The following DEGS2 variants were observed in gnomAD, a reference collection of about 807,000 sequenced individuals.
The protein encoded by DEGS2 is sphingolipid delta(4)-desaturase/C4-monooxygenase DES2.
A neutral mutation model predicts 23.8 loss-of-function variants in DEGS2; 19 were observed. The ratio of observed to expected loss-of-function variants is 0.80; its 90% CI spans 0.56 to 1.17. The LOEUF (loss-of-function observed/expected upper bound fraction) is 1.17, where lower values mean the gene tolerates loss of function less well. Among genes scored for constraint, DEGS2 ranks in the 50% most tolerant of loss-of-function variants. DEGS2 has a pLI of 0.00. For synonymous variants in DEGS2, 218 were observed against 213.7 expected (o/e 1.02, Z -0.18); for missense variants, 390 against 459.5 (o/e 0.85, Z 1.38).
In DEGS2 at chr14:100,144,487, C is replaced by T. The variant is rs1209631611; in HGVS notation, c.*2274G>A. The T allele has an allele frequency of 6.6e-6, 1 of 152,370 alleles. No homozygotes were observed. Among genetic ancestry groups the T allele is most frequent in the Admixed American group, 6.5e-5 (1 of 15,292 alleles). The allele number at this position is 152,370 out of a possible 1,614,324, so 9.4% of individuals were successfully genotyped here. On this transcript the variant is annotated 3_prime_UTR_variant, in exon 3 of 3. Transcript: ENST00000305631. ...AAGATGGTCCCTCAAGTGCAACCCACACCCCCGAACCTCAGAGGACTCCAC... is the reference window on the plus strand; with the variant it reads ...AAGATGGTCCCTCAAGTGCAACCCATACCCCCGAACCTCAGAGGACTCCAC...
rs746559191 is a variant in DEGS2 at position 100,149,223 on chromosome 14, C to T, written c.570G>A (p.Thr190=). 16 of 1,612,484 alleles carry T rather than the reference C, an allele frequency of 9.9e-6. No homozygotes were observed. Among genetic ancestry groups the T allele is most frequent in the East Asian group, 4.5e-5 (2 of 44,876 alleles). ...CCAGGTCGGCCGCCAGCTGCACCAGCGTGTTGAGCACCTCCATGCGGGTCA... is the reference window on the plus strand; with the variant it reads ...CCAGGTCGGCCGCCAGCTGCACCAGTGTGTTGAGCACCTCCATGCGGGTCA... ...KAVTRMEVLN[T]LVQLAADLAI... The change falls in exon 2 of 3, where the codon ACG becomes ACA. Residue 190 remains threonine, a synonymous_variant. Transcript: ENST00000305631.
At position 100,145,679 on chromosome 14, in the gene DEGS2, GCCT is replaced by G. The variant is rs10581879; in HGVS notation, c.*1079_*1081del. 33,655 of 152,080 alleles carry G rather than the reference GCCT, an allele frequency of 0.22. 4,448 individuals are homozygous for G. The highest frequency in any genetic ancestry group is 0.37 in the African/African-American group (15,507 of 41,408). The allele number at this position is 152,080 out of a possible 1,614,324, so 9.4% of individuals were successfully genotyped here. On this transcript the variant is annotated 3_prime_UTR_variant, in exon 3 of 3. Coordinates refer to ENST00000305631, the MANE Select transcript of DEGS2 (RefSeq NM_206918.3). ...GCTCCATCCCTCTCTGGCAGGGAGG[GCCT>G]CCTCGCTCAGGCACCCCTCCTGCTG...
chr14:100,149,272 G>C lies in DEGS2; in HGVS notation c.521C>G (p.Pro174Arg). The C allele has an allele frequency of 6.2e-7, 1 of 1,612,864 alleles. No homozygotes were observed. Among genetic ancestry groups the C allele is most frequent in the Non-Finnish European group, 8.5e-7 (1 of 1,179,908 alleles). ...CACGGCCTTGGGGTGGACGCAGAGCGGCCGTAGTGAGTAGAAGAAGGGCTG... is the reference window on the plus strand; with the variant it reads ...CACGGCCTTGGGGTGGACGCAGAGCCGCCGTAGTGAGTAGAAGAAGGGCTG... ...VLQPFFYSLR[P>R]LCVHPKAVTR... Residue 174 changes from proline (P) to arginine (R), a missense_variant, in exon 2 of 3, where the codon CCG becomes CGG. Transcript: ENST00000305631.
intron 2 of DEGS2, among the ~76,000 whole-genome samples, 184 bp from the exon 3 acceptor site, chr14:100,147,091 T>C (rs1889462477): frequency 6.6e-6 from 1 of 152,198 alleles, no homozygotes; most frequent in Non-Finnish European, 1.5e-5. Flanking sequence ...CCGTCGCCTC[T>C]GGGGTGCCCA....
At chr14:100,155,211 G>A (rs1889639272) in intron 1 of DEGS2, among the ~76,000 whole-genome samples, 1 of 152,156 alleles carries the variant, frequency 6.6e-6, no homozygotes, top group African/African-American at 2.4e-5. Flanking sequence ...CCACCTGGTG[G>A]CCACAGCAGG....
In DEGS2 at chr14:100,149,195, T is replaced by C. The variant is rs756261863; in HGVS notation, c.598A>G (p.Ile200Val). 1.1e-5 allele frequency: 18 copies of C among 1,612,564 alleles called. No homozygotes were observed. The highest frequency in any genetic ancestry group is 1.5e-5 in the Non-Finnish European group (18 of 1,179,746). Residue 200 changes from isoleucine to valine, a missense_variant, in exon 2 of 3, where the codon ATC becomes GTC. Physicochemically the swap from Ile to Val is conservative, Grantham distance 29. Transcript: ENST00000305631. ...GGCTTGAGCCCCCAAAGGGCAAAGA[T>C]GGCCAGGTCGGCCGCCAGCTGCACC... ...TLVQLAADLAIFALWGLKPVV... is the reference protein window; with the variant it reads ...TLVQLAADLAVFALWGLKPVV...
rs1271860170 is a variant in DEGS2 at position 100,156,297 on chromosome 14, T to G, written c.82+3209A>C. ...CACTCCTGCCTCTTCTATAAAGAGA[T>G]GCTGGCAGTTACACAGAGCATTTCT... On this transcript the variant is annotated intron_variant, in intron 1 of 2. Transcript: ENST00000305631. Among the ~76,000 whole-genome samples, 3 of 152,224 alleles carry G rather than the reference T, an allele frequency of 2.0e-5. No individual in the cohort carries two copies. In the East Asian group the frequency reaches 5.8e-4, roughly 29 times the overall value.
chr14:100,166,388 T>TGCCCGGGGCTGTGGGGGAGC, the DEGS2 span, among the ~76,000 whole-genome samples: 1 of 134,430 alleles, frequency 7.4e-6, no homozygotes, highest in Non-Finnish European at 1.6e-5. Context: ...GGGAGGCTGC[T>TGCCCGGGGCTGTGGGGGAGC]CTTCACTCTC....
chr14:100,149,114 C>T lies in DEGS2; in HGVS notation c.679G>A (p.Gly227Ser), dbSNP rs912081615. ...ATGTAGTGCTCGGCCACGAAGTGGC[C>T]CGAGATGGGGTGCAGGCCCAGGCCC... ...FLGLGLHPIS[G>S]HFVAEHYMFL... The change falls in exon 2 of 3, where the codon GGC becomes AGC. Residue 227 changes from glycine (G) to serine (S), a missense_variant. Gly to Ser is a moderately conservative substitution (Grantham distance 56, BLOSUM62 0). Transcript: ENST00000305631. 2 of 1,612,846 alleles carry T rather than the reference C, an allele frequency of 1.2e-6. No individual in the cohort carries two copies. Among genetic ancestry groups the T allele is most frequent in the Non-Finnish European group, 8.5e-7 (1 of 1,180,002 alleles).
chr14:100,164,006 C>G (rs940024571), upstream of DEGS2, among the ~76,000 whole-genome samples: 6 of 152,092 alleles, frequency 3.9e-5, no homozygotes, highest in African/African-American at 1.2e-4. Flanking sequence ...ACTTAAGCCC[C>G]GGAGTTTGAG....
chr14:100,146,954 G>C (rs200422833), intron 2 of DEGS2, 47 bp from the exon 3 acceptor site: 3 of 1,579,560 alleles, frequency 1.9e-6, no homozygotes, highest in East Asian at 4.5e-5. Context: ...CCTCGGGGCC[G>C]CACCCGCGAG....
At chr14:100,154,355 CAAAAAA>C (rs5810980) in intron 1 of DEGS2, among the ~76,000 whole-genome samples, 6 of 138,204 alleles carry the variant, frequency 4.3e-5, no homozygotes, top group Non-Finnish European at 9.4e-5. Flanking sequence ...CAAAGCGTCT[CAAAAAA>C]AAAAAAAAAA....
In DEGS2 at chr14:100,146,310, C is replaced by T. The variant is rs1412743448; in HGVS notation, c.*451G>A. 6 of 171,482 alleles carry T rather than the reference C, an allele frequency of 3.5e-5. No individual in the cohort carries two copies. Among genetic ancestry groups the T allele is most frequent in the African/African-American group, 9.6e-5 (4 of 41,646 alleles). 10.6% of individuals were successfully genotyped at this position (171,482 alleles called of 1,614,324 possible). The stretch of plus-strand genomic sequence containing the variant: ...TGGCAGGACCTGGGCCTGGCCTGGA[C>T]GAAGCGGCACTCAGGCCTCAAGCTC... On this transcript the variant is annotated 3_prime_UTR_variant, in exon 3 of 3. Coordinates refer to ENST00000305631, the MANE Select transcript of DEGS2 (RefSeq NM_206918.3).
upstream of DEGS2, among the ~76,000 whole-genome samples, chr14:100,162,463 G>A (rs1191106635): frequency 6.6e-6 from 1 of 152,190 alleles, no homozygotes; most frequent in Non-Finnish European, 1.5e-5. Flanking sequence ...GGGAAGTCGA[G>A]GCAGGCAGAT....
chr14:100,153,252 C>CAGATAGATAGAT (rs61183768), intron 1 of DEGS2, among the ~76,000 whole-genome samples: 331 of 147,554 alleles, frequency 2.2e-3, no homozygotes, highest in East Asian at 4.1e-3. Context: ...ATGGCAAAAA[C>CAGATAGATAGAT]AGATAGATAG....
At chr14:100,148,431 C>CCCCCTT (rs201707752) in intron 2 of DEGS2, among the ~76,000 whole-genome samples, 7 of 152,244 alleles carry the variant, frequency 4.6e-5, no homozygotes, top group Non-Finnish European at 7.3e-5. Flanking sequence ...GGCTCCTCCT[C>CCCCCTT]CCCCTTCCCC....
At chr14:100,152,924 G>T (rs964080150) in intron 1 of DEGS2, among the ~76,000 whole-genome samples, 2 of 152,024 alleles carry the variant, frequency 1.3e-5, no homozygotes, top group African/African-American at 4.8e-5. Flanking sequence ...AAGGGAGGGA[G>T]GGAGGGAAAG....
intron 1 of DEGS2, 58 bp downstream of exon 1, chr14:100,159,448 G>A (rs1357479611): frequency 5.1e-5 from 69 of 1,347,908 alleles, no homozygotes; most frequent in Non-Finnish European, 6.1e-5. Flanking sequence ...CCCACGACGC[G>A]ACTCCAGACG....
chr14:100,164,293 G>A (rs2140429227), upstream of DEGS2, among the ~76,000 whole-genome samples: 1 of 152,236 alleles, frequency 6.6e-6, no homozygotes, highest in Admixed American at 6.5e-5. Flanking sequence ...GATCACCCCT[G>A]GTATCACCAA....
Sources: allele counts gnomAD v4.1 joint callset (sites outside exome capture counted in the v4.1 genomes callset), GRCh38; gene constraint gnomAD v4.1.1; transcripts MANE v1.5; gene names NCBI Gene and HGNC (gene_info 2026-07-23, HGNC 2026-07-21).